The following SPEN variants were observed in gnomAD, a reference collection of about 807,000 sequenced individuals.
The protein encoded by SPEN is msx2-interacting protein.
SPEN carries 18 observed loss-of-function variants against 269.9 expected under a neutral mutation model. The observed-to-expected ratio is 0.07, with a 90% CI of 0.05 to 0.10. SPEN has a LOEUF of 0.10. Among genes scored for constraint, SPEN ranks in the 10% least tolerant of loss-of-function variants. The probability of loss-of-function intolerance (pLI) is 1.00; values close to 1 mark genes in which losing one functional copy is unlikely to be tolerated. For synonymous variants in SPEN, 1,726 were observed against 1,765.7 expected, an observed-to-expected ratio of 0.98 and a Z score of 0.56; for missense variants, 3,822 against 4,631.2, an observed-to-expected ratio of 0.83 and a Z score of 5.07.
chr1:15,893,208 T>C (rs979654171), intron 3 of SPEN, among the ~76,000 whole-genome samples: 4 of 152,248 alleles, frequency 2.6e-5, no homozygotes, highest in South Asian at 2.1e-4. Flanking sequence ...CTGGTGCTAA[T>C]AGACTGGAAT....
In SPEN at chr1:15,876,324, G is replaced by A. The variant is rs769249893; in HGVS notation, c.527G>A (p.Arg176Gln). The A allele has an allele frequency of 2.1e-5, 34 of 1,613,760 alleles. No individual in the cohort carries two copies. Among genetic ancestry groups the A allele is most frequent in the African/African-American group, 2.7e-5 (2 of 74,836 alleles). ...GATTACTATAGAGATCCTCGAGAGC[G>A]GACTTTACAACATGGGCTCTATTAC... is the stretch of plus-strand genomic sequence containing the variant. ...DQDYYRDPRE[R>Q]TLQHGLYYAS... The change falls in exon 3 of 15, where the codon CGG becomes CAG. Residue 176 changes from arginine to glutamine, a missense_variant. Arg to Gln is a conservative substitution (Grantham distance 43, BLOSUM62 1). Coordinates refer to ENST00000375759, the MANE Select transcript of SPEN (RefSeq NM_015001.3).
chr1:15,909,360 T>C lies in SPEN; in HGVS notation c.921T>C (p.Ala307=). The stretch of plus-strand genomic sequence containing the variant: ...GTAGTTCAAGTGATGATTCTCCAGC[T>C]CGATCAGTTCAGTCTGCAGCAGTCC... ...SSSSSSDDSP[A]RSVQSAAVPA... is the part of the protein sequence containing the mutation. Residue 307 remains alanine (A), a synonymous_variant, in exon 4 of 15, where the codon GCT becomes GCC. Coordinates refer to ENST00000375759, the MANE Select transcript of SPEN (RefSeq NM_015001.3). The C allele has an allele frequency of 6.2e-7, 1 of 1,613,780 alleles. No homozygotes were observed. Among genetic ancestry groups the C allele is most frequent in the Non-Finnish European group, 8.5e-7 (1 of 1,179,904 alleles).
chr1:15,919,290 C>G (rs578215907), intron 7 of SPEN, 114 bp from the exon 8 acceptor site: 3 of 751,116 alleles, frequency 4.0e-6, no homozygotes, highest in Admixed American at 3.2e-5. Flanking sequence ...ATGTTTCCCA[C>G]TTGAGATGTT....
In SPEN at chr1:15,916,343, G is replaced by T; in HGVS notation, c.1395+64G>T. The stretch of plus-strand genomic sequence containing the variant: ...GTCATAACACATAAAGCATAGTACA[G>T]ATTATATTTGGAAAGGTGATATTTA... On this transcript the variant is annotated intron_variant, in intron 6 of 14. Transcript: ENST00000375759. 4 of 1,479,796 alleles carry T rather than the reference G, an allele frequency of 2.7e-6. 1 individual carries two copies. The South Asian group carries it at 5.3e-5, about 20-fold the overall frequency. 91.7% of individuals were successfully genotyped at this position (1,479,796 alleles called of 1,614,324 possible).
chr1:15,938,021 C>T lies in SPEN; in HGVS notation c.10704+15C>T, dbSNP rs1335748375. The T allele has an allele frequency of 3.2e-6, 5 of 1,582,540 alleles. No individual in the cohort carries two copies. The highest frequency in any genetic ancestry group is 1.1e-5 in the South Asian group (1 of 87,732). On this transcript the variant is annotated intron_variant, in intron 13 of 14. Transcript: ENST00000375759. ...GAAGGATGACGGTAAGACTCTCAGG[C>T]CCAGGTGAGCAACTGCCCCACCTAC... is the stretch of plus-strand genomic sequence containing the variant.
At position 15,924,860 on chromosome 1, in the gene SPEN, C is replaced by T. The variant is rs78952729; in HGVS notation, c.1850+2511C>T. Among the ~76,000 whole-genome samples the T allele has an allele frequency of 6.7e-3, 1,028 of 152,306 alleles. 18 individuals carry two copies. Among genetic ancestry groups the T allele is most frequent in the African/African-American group, 0.024 (977 of 41,564 alleles). ...CCCTCTCAAATGGCAGTTATCTCCTCATGAGGACGCAGGAGGGTGTGGGAC... is the reference window on the plus strand; with the variant it reads ...CCCTCTCAAATGGCAGTTATCTCCTTATGAGGACGCAGGAGGGTGTGGGAC... On this transcript the variant is annotated intron_variant, in intron 10 of 14. Coordinates refer to ENST00000375759, the MANE Select transcript of SPEN (RefSeq NM_015001.3).
chr1:15,937,368 G>A lies in SPEN; in HGVS notation c.10232G>A (p.Arg3411Lys), dbSNP rs368639527. Residue 3411 changes from arginine to lysine, a missense_variant, in exon 12 of 15, where the codon AGG (arginine) becomes AAG (lysine). Around this residue, in one of 16 missense-constraint regions of SPEN, gnomAD observed 359 missense variants for 377.3 expected, o/e 0.95. Transcript: ENST00000375759. This position sits in a 1 kb window ranked among gnomAD's most constrained non-coding sequence, Gnocchi z 5.7. ...QPRLPAGPANRPPEPHTQVQR... is the reference protein window; with the variant it reads ...QPRLPAGPANKPPEPHTQVQR... ...CGCCTCCCAGCTGGACCTGCAAACA[G>A]GCCACCTGAGCCTCACACCCAGGTT... The A allele has an allele frequency of 1.2e-6, 2 of 1,613,934 alleles. No individual in the cohort carries two copies. The highest frequency in any genetic ancestry group is 2.2e-5 in the South Asian group (2 of 91,082).
In SPEN at chr1:15,925,235, T is replaced by C. The variant is rs969229574; in HGVS notation, c.1851-2856T>C. 2.0e-5 allele frequency among the ~76,000 whole-genome samples: 3 copies of C among 152,218 alleles called. No homozygotes were observed. The South Asian group carries it at 6.2e-4, about 32-fold the overall frequency. On this transcript the variant is annotated intron_variant, in intron 10 of 14. Transcript: ENST00000375759. ...CCTAGGGTTCCTACCTGCTAGTGCA[T>C]TGAGCTTACCCTTTACCGGAGTGGT...
intron 3 of SPEN, among the ~76,000 whole-genome samples, chr1:15,898,098 T>A (rs1165971330): frequency 6.6e-6 from 1 of 152,050 alleles, no homozygotes; most frequent in Non-Finnish European, 1.5e-5. Flanking sequence ...TTTGACTGGT[T>A]TGGAATCGCT....
intron 10 of SPEN, among the ~76,000 whole-genome samples, chr1:15,927,325 A>G (rs1283860463): frequency 6.6e-6 from 1 of 152,186 alleles, no homozygotes; most frequent in Non-Finnish European, 1.5e-5. Context: ...GTACCTGCCT[A>G]GGATTATGTA....
chr1:15,866,486 T>C (rs1356738640), intron 1 of SPEN, among the ~76,000 whole-genome samples: 1 of 152,106 alleles, frequency 6.6e-6, no homozygotes, highest in Non-Finnish European at 1.5e-5. Context: ...CCCAAGTAGC[T>C]GGGACTACAG....
Position 15,930,873 on chromosome 1 carries a change from C to T in SPEN, c.4633C>T (p.His1545Tyr), listed in dbSNP as rs2071213283. ...TGAACAAGATTCCAAGCGATTGCAG[C>T]ATCTAGAGAGAAAAGAGGAAGATTC... ...IFEQDSKRLQ[H>Y]LERKEEDSDF... is the part of the protein sequence containing the mutation. The change falls in exon 11 of 15, where the codon CAT (histidine) becomes TAT (tyrosine). Residue 1545 changes from histidine to tyrosine, a missense_variant. By Grantham distance (83) the His-to-Tyr change is moderately conservative. Transcript: ENST00000375759. The surrounding 1 kb of genome is among the most constrained non-coding windows in gnomAD (Gnocchi z 5.3). 6.2e-7 allele frequency: 1 copy of T among 1,613,952 alleles called. No individual in the cohort carries two copies. Among genetic ancestry groups the T allele is most frequent in the African/African-American group, 1.3e-5 (1 of 74,912 alleles).
intron 3 of SPEN, among the ~76,000 whole-genome samples, chr1:15,893,204 C>T (rs1173271939): frequency 6.6e-6 from 1 of 152,184 alleles, no homozygotes; most frequent in East Asian, 1.9e-4. Context: ...CATACTGGTG[C>T]TAATAGACTG....
intron 3 of SPEN, among the ~76,000 whole-genome samples, chr1:15,906,453 CTTTTTTTTT>C (rs200731520): frequency 2.7e-4 from 25 of 92,584 alleles, no homozygotes; most frequent in Non-Finnish European, 4.0e-4. Context: ...TCTTTCTTTC[CTTTTTTTTT>C]TTTTTTTTTT....
Position 15,928,743 on chromosome 1 carries a change from T to G in SPEN, c.2503T>G (p.Ser835Ala), listed in dbSNP as rs1390696599. The change falls in exon 11 of 15, where the codon TCT becomes GCT. Residue 835 changes from serine to alanine, a missense_variant. Around this residue, in one of 16 missense-constraint regions of SPEN, gnomAD observed 572 missense variants for 582.6 expected, o/e 0.98. Transcript: ENST00000375759. This position sits in a 1 kb window ranked among gnomAD's most constrained non-coding sequence, Gnocchi z 5.7. The stretch of plus-strand genomic sequence containing the variant: ...AAAGGTTCACTCCCCTAGTTCTCAG[T>G]CTTCAGAAACGGACCAAGAAAATGA... ...KGKVHSPSSQ[S>A]SETDQENERE... is the part of the protein sequence containing the mutation. The G allele has an allele frequency of 6.2e-7, 1 of 1,614,058 alleles. No homozygotes were observed. Among genetic ancestry groups the G allele is most frequent in the South Asian group, 1.1e-5 (1 of 91,080 alleles).
rs776626200 is a variant in SPEN at position 15,932,026 on chromosome 1, T to C, written c.5786T>C (p.Val1929Ala). Residue 1929 changes from valine (V) to alanine (A), a missense_variant, in exon 11 of 15, where the codon GTG becomes GCG. By Grantham distance (64) the Val-to-Ala change is moderately conservative. Coordinates refer to ENST00000375759, the MANE Select transcript of SPEN (RefSeq NM_015001.3). This position sits in a 1 kb window ranked among gnomAD's most constrained non-coding sequence, Gnocchi z 4.2. ...AAAGAGCCCGTTGAGCAACCAAGAG[T>C]GACCAGAAAGAGATTGGAGCGAGAG... ...PVKEPVEQPR[V>A]TRKRLERELQ... The C allele has an allele frequency of 6.2e-7, 1 of 1,613,804 alleles. No individual in the cohort carries two copies. Among genetic ancestry groups the C allele is most frequent in the Non-Finnish European group, 8.5e-7 (1 of 1,179,978 alleles).
intron 3 of SPEN, among the ~76,000 whole-genome samples, chr1:15,900,285 T>A (rs2070887242): frequency 6.6e-6 from 1 of 152,228 alleles, no homozygotes; most frequent in African/African-American, 2.4e-5. Context: ...CTAATTGTGA[T>A]ATTAAACTAC....
intron 1 of SPEN, among the ~76,000 whole-genome samples, chr1:15,861,812 C>CG (rs2070451739): frequency 6.6e-6 from 1 of 152,020 alleles, no homozygotes; most frequent in Non-Finnish European, 1.5e-5. Flanking sequence ...GAAACTGAAG[C>CG]GGGTGGATCA....
chr1:15,937,182 A>C lies in SPEN; in HGVS notation c.10046A>C (p.Glu3349Ala). ...TAAQGPPPEG[E>A]PLQPPQPVQS... ...CACCAGGGCCCTCCTCCTGAAGGTG[A>C]GCCCCTGCAGCCTCCTCAGCCTGTG... The change falls in exon 12 of 15, where the codon GAG (glutamate) becomes GCG (alanine). Residue 3349 changes from glutamate to alanine, a missense_variant. Transcript: ENST00000375759. The surrounding 1 kb of genome is among the most constrained non-coding windows in gnomAD (Gnocchi z 5.7). 1 of 1,611,960 alleles carries C rather than the reference A, an allele frequency of 6.2e-7. No homozygotes were observed. The highest frequency in any genetic ancestry group is 8.5e-7 in the Non-Finnish European group (1 of 1,178,936).
Sources: allele counts gnomAD v4.1 joint callset (sites outside exome capture counted in the v4.1 genomes callset), GRCh38; gene constraint gnomAD v4.1.1; regional missense constraint gnomAD v4.1.1; non-coding constraint Gnocchi (gnomAD v3.1); transcripts MANE v1.5; gene names NCBI Gene and HGNC (gene_info 2026-07-23, HGNC 2026-07-21).